Variants in ULK4 observed in about 807,000 individuals in gnomAD.
ULK4 encodes the protein unc-51 like kinase 4.
Under a neutral mutation model 160.6 loss-of-function variants are expected in ULK4, and 133 were observed. That is an observed-to-expected ratio of 0.83 (90% confidence interval 0.72 to 0.96). The LOEUF (loss-of-function observed/expected upper bound fraction) is 0.96, where lower values mean the gene tolerates loss of function less well. ULK4 is among the 40% of genes least tolerant of loss of function. The pLI, the probability that ULK4 is intolerant of heterozygous loss-of-function variation, is 0.00. For synonymous variants in ULK4, 534 were observed against 539.8 expected (o/e 0.99, Z 0.15); for missense variants, 1,580 against 1,499.5 (o/e 1.05, Z -0.89).
intron 30 of ULK4, among the ~76,000 whole-genome samples, chr3:41,658,729 A>ACACACACACACACACACACACACACTGT (rs1553628698): frequency 2.3e-4 from 26 of 112,440 alleles, no homozygotes; most frequent in African/African-American, 1.0e-3. Flanking sequence ...GAAAAACAGT[A>ACACACACACACACACACACACACACTGT]CACACACACA....
chr3:41,682,804 T>A lies in ULK4; in HGVS notation c.2782-1000A>T, dbSNP rs76018963. On this transcript the variant is annotated intron_variant, in intron 27 of 36. Coordinates refer to ENST00000301831, the MANE Select transcript of ULK4 (RefSeq NM_017886.4). ...TTTGAGAACTCCAAACTTCCAGTTA[T>A]GTCTAAAGAAAAAACTATGCAAAGG... Among the ~76,000 whole-genome samples, 679 of 152,322 alleles carry A rather than the reference T, an allele frequency of 4.5e-3. 2 individuals carry two copies. Among genetic ancestry groups the A allele is most frequent in the African/African-American group, 0.016 (649 of 41,562 alleles).
rs543923661 is a variant in ULK4, at chr3:41,343,512, C to T, written c.3678+54567G>A. 7.9e-5 allele frequency among the ~76,000 whole-genome samples: 12 copies of T among 151,982 alleles called. No homozygotes were observed. The South Asian group carries it at 1.7e-3, about 21-fold the overall frequency. On this transcript the variant is annotated intron_variant, in intron 35 of 36. Coordinates refer to ENST00000301831, the MANE Select transcript of ULK4 (RefSeq NM_017886.4). ...TAGAGAGGGGTTTCACCATGTTGGC[C>T]AGGCTGGTCTCGAACTCCTGACCTC...
intron 35 of ULK4, among the ~76,000 whole-genome samples, chr3:41,346,019 C>G (rs2080791424): frequency 1.3e-5 from 2 of 151,780 alleles, no homozygotes. Flanking sequence ...ACTGATAGGG[C>G]CAGAACAGGT....
intron 29 of ULK4, among the ~76,000 whole-genome samples, 190 bp from the exon 30 acceptor site, chr3:41,663,889 T>G (rs2035267739): frequency 6.6e-6 from 1 of 152,156 alleles, no homozygotes; most frequent in Non-Finnish European, 1.5e-5. Context: ...TCTATTGAAA[T>G]AAGAGAATAA....
chr3:41,296,096 T>C (rs980866741), intron 35 of ULK4, among the ~76,000 whole-genome samples: 1 of 152,212 alleles, frequency 6.6e-6, no homozygotes, highest in Non-Finnish European at 1.5e-5. Context: ...TATCAAGCCA[T>C]GAAAAGTGTA....
At chr3:41,871,244 A>G (rs1352931634) in intron 17 of ULK4, among the ~76,000 whole-genome samples, 1 of 152,202 alleles carries the variant, frequency 6.6e-6, no homozygotes, top group Non-Finnish European at 1.5e-5. Flanking sequence ...TTCATTCATC[A>G]TAATGCCCTT....
At chr3:41,692,301 C>G (rs1163771551) in intron 27 of ULK4, among the ~76,000 whole-genome samples, 1 of 152,054 alleles carries the variant, frequency 6.6e-6, no homozygotes, top group Non-Finnish European at 1.5e-5. Context: ...CACAATCTGA[C>G]ACAGTATATG....
At chr3:41,441,999 T>A (rs1357541728) in intron 34 of ULK4, among the ~76,000 whole-genome samples, 1 of 152,224 alleles carries the variant, frequency 6.6e-6, no homozygotes, top group Non-Finnish European at 1.5e-5. Flanking sequence ...TTTCTTTTGA[T>A]TAGTGTAACC....
chr3:41,786,955 C>T (rs1237416148), intron 21 of ULK4, among the ~76,000 whole-genome samples: 2 of 151,988 alleles, frequency 1.3e-5, no homozygotes, highest in Non-Finnish European at 2.9e-5. Flanking sequence ...GCTGAAAAAT[C>T]CAAGGGTCTA....
intron 8 of ULK4, among the ~76,000 whole-genome samples, chr3:41,913,369 G>C (rs780065672): frequency 8.0e-4 from 122 of 152,092 alleles, no homozygotes; most frequent in Non-Finnish European, 1.5e-3. Flanking sequence ...GGGACTACAG[G>C]CGTCCGCCAC....
intron 16 of ULK4, among the ~76,000 whole-genome samples, chr3:41,889,108 C>T (rs1697827196): frequency 6.6e-6 from 1 of 152,116 alleles, no homozygotes; most frequent in Non-Finnish European, 1.5e-5. Context: ...AAGTGACCTA[C>T]AAGTTCAAGA....
intron 32 of ULK4, among the ~76,000 whole-genome samples, chr3:41,490,906 T>C (rs1216110150): frequency 3.3e-5 from 5 of 152,124 alleles, no homozygotes; most frequent in African/African-American, 9.7e-5. Context: ...CACCAATCAG[T>C]GCTCAATAAA....
chr3:41,441,432 T>G (rs572032665), intron 34 of ULK4, among the ~76,000 whole-genome samples: 119 of 152,214 alleles, frequency 7.8e-4, no homozygotes, highest in African/African-American at 2.6e-3. Context: ...TTTCAAATAT[T>G]TGGGGATCTT....
chr3:41,683,457 C>A (rs548640444), intron 27 of ULK4, among the ~76,000 whole-genome samples: 1 of 151,618 alleles, frequency 6.6e-6, no homozygotes. Context: ...GACAGCTGGA[C>A]GTGACCCCTC....
intron 35 of ULK4, among the ~76,000 whole-genome samples, chr3:41,260,858 A>G (rs147002225): frequency 3.7e-4 from 57 of 152,308 alleles, no homozygotes; most frequent in African/African-American, 1.3e-3. Flanking sequence ...GAGGACCACT[A>G]TGTGAGGCGG....
intron 12 of ULK4, among the ~76,000 whole-genome samples, chr3:41,904,924 A>C (rs1698500065): frequency 6.9e-6 from 1 of 145,160 alleles, no homozygotes; most frequent in African/African-American, 2.6e-5. Context: ...GTACTTCCTA[A>C]ATTGATCTAC....
intron 32 of ULK4, among the ~76,000 whole-genome samples, chr3:41,554,172 T>C (rs543142472): frequency 6.6e-6 from 1 of 152,270 alleles, no homozygotes; most frequent in South Asian, 2.1e-4. Context: ...ATCCCACTAC[T>C]GGGTATTTAT....
At chr3:41,261,971 A>G (rs2078953902) in intron 35 of ULK4, among the ~76,000 whole-genome samples, 1 of 152,194 alleles carries the variant, frequency 6.6e-6, no homozygotes, top group Non-Finnish European at 1.5e-5. Flanking sequence ...CAGTGACCCT[A>G]TGAGGAACAT....
intron 19 of ULK4, among the ~76,000 whole-genome samples, chr3:41,811,300 G>A (rs1222471725): frequency 1.3e-5 from 2 of 152,090 alleles, no homozygotes; most frequent in African/African-American, 2.4e-5. Context: ...GGGCTCAAAC[G>A]ATCCTACTAA....
Sources: allele counts gnomAD v4.1 joint callset (sites outside exome capture counted in the v4.1 genomes callset), GRCh38; gene constraint gnomAD v4.1.1; transcripts MANE v1.5; gene names NCBI Gene and HGNC (gene_info 2026-07-23, HGNC 2026-07-21).